Variants in GABRG3 observed in about 807,000 individuals in gnomAD.
GABRG3 encodes the protein gamma-aminobutyric acid receptor subunit gamma-3.
In GABRG3, 25 loss-of-function variants were observed where a neutral mutation model predicts 48.8. That is an observed-to-expected ratio of 0.51 (90% CI 0.37 to 0.72). GABRG3 has a LOEUF of 0.72. GABRG3 is among the 30% of genes least tolerant of loss of function. GABRG3 has a pLI of 0.00. For missense variants in GABRG3, 394 were observed against 577.9 expected (o/e 0.68, Z 3.26); for synonymous variants, 227 against 217.6 (o/e 1.04, Z -0.38).
At position 27,457,431 on chromosome 15, in the gene GABRG3, C is replaced by T. The variant is rs776669178; in HGVS notation, c.575-23219C>T. Among the ~76,000 whole-genome samples the T allele has an allele frequency of 1.4e-4, 22 of 152,222 alleles. No individual in the cohort carries two copies. The highest frequency in any genetic ancestry group is 2.9e-4 in the Non-Finnish European group (20 of 68,028). ...TGTTCCTTTTTTCTTTCATCCTTCT[C>T]TATCTTTGTTCACTGACAATCTTCT... On this transcript the variant is annotated intron_variant, in intron 5 of 9. Transcript: ENST00000615808. This position sits in a 1 kb window ranked among gnomAD's most constrained non-coding sequence, Gnocchi z 4.4.
At chr15:27,166,189 A>G (rs1887363571) in intron 3 of GABRG3, among the ~76,000 whole-genome samples, 1 of 152,194 alleles carries the variant, frequency 6.6e-6, no homozygotes, top group African/African-American at 2.4e-5. Context: ...TCCATATGAG[A>G]TAGTGAACTT....
intron 5 of GABRG3, among the ~76,000 whole-genome samples, chr15:27,411,083 G>A (rs1887784330): frequency 6.6e-6 from 1 of 152,018 alleles, no homozygotes; most frequent in South Asian, 2.1e-4. Flanking sequence ...AGAGCTTTTC[G>A]AAGCACTGTA....
At chr15:27,186,184 C>A (rs969897356) in intron 3 of GABRG3, among the ~76,000 whole-genome samples, 20 of 152,092 alleles carry the variant, frequency 1.3e-4, no homozygotes, top group South Asian at 2.1e-4. Flanking sequence ...CTCCCTCTTT[C>A]CTCGAGTAGT....
At chr15:27,181,270 C>T (rs1887921937) in intron 3 of GABRG3, among the ~76,000 whole-genome samples, 1 of 152,098 alleles carries the variant, frequency 6.6e-6, no homozygotes, top group Non-Finnish European at 1.5e-5. Context: ...CTCATCAAAC[C>T]CCAAAGTCCT....
chr15:26,984,940 A>C (rs1221406701), intron 2 of GABRG3, among the ~76,000 whole-genome samples: 1 of 152,256 alleles, frequency 6.6e-6, no homozygotes, highest in Non-Finnish European at 1.5e-5. Flanking sequence ...GAATCCAGGC[A>C]AAACATCTGA....
chr15:26,976,975 T>C lies in GABRG3; in HGVS notation c.54-27T>C. 2 of 1,613,690 alleles carry C rather than the reference T, an allele frequency of 1.2e-6. No homozygotes were observed. Among genetic ancestry groups the C allele is most frequent in the East Asian group, 4.5e-5 (2 of 44,870 alleles). On this transcript the variant is annotated intron_variant, in intron 1 of 9. Transcript: ENST00000615808. The surrounding 1 kb of genome is among the most constrained non-coding windows in gnomAD (Gnocchi z 7.8). ...CCTAGAGCCATTGCTGCCACTTATA[T>C]GTCGCATTTTTGTGCTGTAACTCCA...
At chr15:27,360,182 C>G (rs1894975015) in intron 5 of GABRG3, among the ~76,000 whole-genome samples, 1 of 152,282 alleles carries the variant, frequency 6.6e-6, no homozygotes, top group East Asian at 1.9e-4. Context: ...GAAGCTTCTC[C>G]AAGGGCTATG....
intron 2 of GABRG3, among the ~76,000 whole-genome samples, chr15:26,978,982 A>G (rs1191710647): frequency 2.0e-5 from 3 of 152,154 alleles, no homozygotes; most frequent in African/African-American, 7.2e-5. Context: ...TCTCTTCATT[A>G]TTTAGATCTT....
chr15:27,172,254 T>C (rs896325779), intron 3 of GABRG3, among the ~76,000 whole-genome samples: 1 of 152,104 alleles, frequency 6.6e-6, no homozygotes, highest in Non-Finnish European at 1.5e-5. Flanking sequence ...GACAGGTGCA[T>C]GGAAGGAAGT....
intron 6 of GABRG3, among the ~76,000 whole-genome samples, chr15:27,496,218 C>A (rs945432938): frequency 6.6e-6 from 1 of 152,218 alleles, no homozygotes; most frequent in Non-Finnish European, 1.5e-5. Context: ...GAGCTTCTCT[C>A]ATGCTGCCCT....
chr15:27,346,387 A>G (rs1219835935), intron 5 of GABRG3, among the ~76,000 whole-genome samples: 12 of 152,190 alleles, frequency 7.9e-5, no homozygotes, highest in Non-Finnish European at 1.8e-4. Context: ...TGAATATGGT[A>G]TGACCAAGTG....
chr15:27,276,884 A>T (rs367725895), intron 3 of GABRG3, among the ~76,000 whole-genome samples: 3 of 152,354 alleles, frequency 2.0e-5, no homozygotes, highest in African/African-American at 7.2e-5. Flanking sequence ...CACATGTTTT[A>T]TGAGGGTAGT....
intron 2 of GABRG3, among the ~76,000 whole-genome samples, chr15:26,998,130 CAGG>C (rs1173399784): frequency 2.0e-5 from 3 of 152,206 alleles, no homozygotes; most frequent in African/African-American, 7.2e-5. Context: ...ACTGTGATTC[CAGG>C]AGAGCTTTTT....
chr15:27,091,120 C>T (rs1032990633), intron 3 of GABRG3, among the ~76,000 whole-genome samples: 4 of 152,208 alleles, frequency 2.6e-5, no homozygotes, highest in Admixed American at 6.5e-5. Context: ...ATGATGTCAG[C>T]TGCAGATTTC....
intron 3 of GABRG3, among the ~76,000 whole-genome samples, chr15:27,188,116 C>G (rs1249435588): frequency 6.6e-6 from 1 of 152,082 alleles, no homozygotes; most frequent in African/African-American, 2.4e-5. Flanking sequence ...TTTTCTTAAT[C>G]CAGTCTATCA....
chr15:27,060,845 C>G (rs1010635011), intron 3 of GABRG3, among the ~76,000 whole-genome samples: 7 of 152,218 alleles, frequency 4.6e-5, no homozygotes, highest in African/African-American at 1.7e-4. Context: ...ATATGTCTCT[C>G]TTCAGCTCTC....
chr15:27,394,062 G>A (rs1054750868), intron 5 of GABRG3, among the ~76,000 whole-genome samples: 2 of 152,094 alleles, frequency 1.3e-5, no homozygotes, highest in African/African-American at 4.8e-5. Flanking sequence ...CCTTTCAACT[G>A]TATTATTTTA....
intron 5 of GABRG3, among the ~76,000 whole-genome samples, chr15:27,398,461 G>T (rs927865413): frequency 6.6e-6 from 1 of 152,118 alleles, no homozygotes; most frequent in Non-Finnish European, 1.5e-5. Context: ...GTGTTTTTGT[G>T]TGTGCATGTG....
rs1419240948 is a variant in GABRG3, at chr15:27,105,147, A to G, written c.270+78326A>G. 3.9e-5 allele frequency among the ~76,000 whole-genome samples: 6 copies of G among 152,322 alleles called. No homozygotes were observed. In the South Asian group the frequency reaches 8.3e-4, roughly 21 times the overall value. ...GCAGGAGAAGCTATGGTAATATTCA[A>G]TGATGTGAAATTCAGAGTAAGAAAA... is the stretch of plus-strand genomic sequence containing the variant. On this transcript the variant is annotated intron_variant, in intron 3 of 9. Transcript: ENST00000615808.
Sources: allele counts gnomAD v4.1 joint callset (sites outside exome capture counted in the v4.1 genomes callset), GRCh38; gene constraint gnomAD v4.1.1; non-coding constraint Gnocchi (gnomAD v3.1); transcripts MANE v1.5; gene names NCBI Gene and HGNC (gene_info 2026-07-23, HGNC 2026-07-21).